Variants in MAGI2 observed in about 807,000 individuals in gnomAD.
The protein encoded by MAGI2 is membrane-associated guanylate kinase, WW and PDZ domain-containing protein 2.
In MAGI2, 35 loss-of-function variants were observed where a neutral mutation model predicts 133.3. The ratio of observed to expected loss-of-function variants is 0.26; its 90% CI spans 0.20 to 0.35. MAGI2 has a LOEUF of 0.35. MAGI2 is among the 10% of genes least tolerant of loss of function. The pLI is 1.00. For missense variants in MAGI2, 1,636 were observed against 1,863.4 expected (o/e 0.88, Z 2.25); for synonymous variants, 729 against 710.6 (o/e 1.03, Z -0.41).
chr7:78,177,418 G>GCACACA (rs3972360), intron 14 of MAGI2, among the ~76,000 whole-genome samples: 1 of 120,262 alleles, frequency 8.3e-6, no homozygotes, highest in African/African-American at 3.0e-5. Flanking sequence ...GTGAATACGC[G>GCACACA]CACACACACA....
chr7:79,328,969 A>G (rs574354674), intron 1 of MAGI2, among the ~76,000 whole-genome samples: 81 of 152,336 alleles, frequency 5.3e-4, no homozygotes, highest in Non-Finnish European at 1.0e-3. Context: ...AGAAATACAA[A>G]TGTGGGGGCC....
chr7:79,011,003 C>T (rs1808030829), intron 1 of MAGI2: 1 of 152,040 alleles, frequency 6.6e-6, no homozygotes, highest in Admixed American at 6.6e-5. Context: ...TTGAACTTAA[C>T]ATCAAAATAT....
At chr7:78,668,005 C>G (rs1224407697) in intron 2 of MAGI2, among the ~76,000 whole-genome samples, 2 of 152,082 alleles carry the variant, frequency 1.3e-5, no homozygotes, top group South Asian at 4.1e-4. Flanking sequence ...ACAGTCCCAC[C>G]AACAGTGTAA....
At chr7:79,424,994 T>C (rs1847239249) in intron 1 of MAGI2, among the ~76,000 whole-genome samples, 1 of 152,150 alleles carries the variant, frequency 6.6e-6, no homozygotes, top group Non-Finnish European at 1.5e-5. Flanking sequence ...GATGTAAACA[T>C]AAGTCTTGTG....
chr7:78,521,083 A>G (rs58289607), intron 4 of MAGI2, among the ~76,000 whole-genome samples: 8,283 of 152,252 alleles, frequency 0.054, 368 homozygotes, highest in African/African-American at 0.11. Context: ...ACAACCATAT[A>G]TAAGACTTGC....
At chr7:78,247,586 C>CA (rs1351822048) in intron 10 of MAGI2, among the ~76,000 whole-genome samples, 1 of 151,592 alleles carries the variant, frequency 6.6e-6, no homozygotes, top group East Asian at 1.9e-4. Context: ...AGAAATTTAA[C>CA]AAAGAGATGG....
intron 2 of MAGI2, among the ~76,000 whole-genome samples, chr7:78,767,439 A>T (rs1432268999): frequency 6.6e-6 from 1 of 152,208 alleles, no homozygotes; most frequent in African/African-American, 2.4e-5. Flanking sequence ...GACTAAGAGC[A>T]AAAGCTGATT....
At chr7:78,789,570 T>A (rs938507486) in intron 2 of MAGI2, among the ~76,000 whole-genome samples, 6 of 152,212 alleles carry the variant, frequency 3.9e-5, no homozygotes, top group Non-Finnish European at 7.3e-5. Context: ...TATTTGTAAG[T>A]TTGATGGATA....
chr7:78,239,039 T>C (rs1790856846), intron 10 of MAGI2, among the ~76,000 whole-genome samples: 1 of 136,796 alleles, frequency 7.3e-6, no homozygotes, highest in Non-Finnish European at 1.7e-5. Context: ...CATGGGCAAT[T>C]CTATCCTGGA....
chr7:78,381,630 A>T (rs1470604506), intron 6 of MAGI2, among the ~76,000 whole-genome samples: 1 of 152,194 alleles, frequency 6.6e-6, no homozygotes, highest in African/African-American at 2.4e-5. Context: ...CACCTAATAG[A>T]GGAATATGCA....
At chr7:78,879,658 T>G (rs533424584) in intron 2 of MAGI2, among the ~76,000 whole-genome samples, 2 of 152,198 alleles carry the variant, frequency 1.3e-5, no homozygotes, top group African/African-American at 4.8e-5. Context: ...AGCACAAGAA[T>G]TCTGTTACCA....
intron 3 of MAGI2, among the ~76,000 whole-genome samples, chr7:78,623,702 G>T (rs1004584691): frequency 6.6e-6 from 1 of 152,118 alleles, no homozygotes; most frequent in Admixed American, 6.6e-5. Flanking sequence ...TAATGGAAGA[G>T]ATTTTAATAC....
chr7:79,327,501 A>T (rs1208109207), intron 1 of MAGI2, among the ~76,000 whole-genome samples: 1 of 152,110 alleles, frequency 6.6e-6, no homozygotes, highest in Non-Finnish European at 1.5e-5. Flanking sequence ...ACAAGGTCTA[A>T]CCTGTTTAGG....
At chr7:79,277,515 C>T (rs543151791) in intron 1 of MAGI2, among the ~76,000 whole-genome samples, 34 of 152,062 alleles carry the variant, frequency 2.2e-4, no homozygotes, top group African/African-American at 6.8e-4. Context: ...ATTTATTCAA[C>T]ATATGTGCTG....
chr7:78,706,642 A>G (rs1818677118), intron 2 of MAGI2, among the ~76,000 whole-genome samples: 1 of 152,104 alleles, frequency 6.6e-6, no homozygotes, highest in Non-Finnish European at 1.5e-5. Context: ...TGAACACAAA[A>G]CAATTAGCCA....
rs142160490 is a variant in MAGI2 at position 78,791,811 on chromosome 7, A to G, written c.419-164572T>C. ...GTGATCCACCAGTGTCAGGCTCCCA[A>G]AATGCTGGGATTACAGACATGAGCC... On this transcript the variant is annotated intron_variant, in intron 2 of 21. Coordinates refer to ENST00000354212, the MANE Select transcript of MAGI2 (RefSeq NM_012301.4). Among the ~76,000 whole-genome samples, 1,479 of 152,192 alleles carry G rather than the reference A, an allele frequency of 9.7e-3. 12 individuals are homozygous for G. Among genetic ancestry groups the G allele is most frequent in the Non-Finnish European group, 0.015 (1,009 of 68,000 alleles).
At chr7:78,557,097 A>AAAAAAAAAAAAAAAGAAAG (rs1554473311) in intron 3 of MAGI2, among the ~76,000 whole-genome samples, 3 of 138,946 alleles carry the variant, frequency 2.2e-5, no homozygotes, top group Admixed American at 7.4e-5. Flanking sequence ...AAAAAAAAAA[A>AAAAAAAAAAAAAAAGAAAG]AAAGAAAAAG....
intron 2 of MAGI2, among the ~76,000 whole-genome samples, chr7:78,716,038 G>A (rs1333846059): frequency 3.9e-5 from 6 of 152,100 alleles, no homozygotes; most frequent in African/African-American, 1.4e-4. Flanking sequence ...TGAGACTAGG[G>A]GCTTTGTGTA....
intron 2 of MAGI2, among the ~76,000 whole-genome samples, chr7:78,680,548 A>C (rs1815534578): frequency 6.6e-6 from 1 of 152,154 alleles, no homozygotes; most frequent in Admixed American, 6.6e-5. Context: ...ACTAGAAGGA[A>C]CCATTTAAGA....
Sources: allele counts gnomAD v4.1 joint callset (sites outside exome capture counted in the v4.1 genomes callset), GRCh38; gene constraint gnomAD v4.1.1; transcripts MANE v1.5; gene names NCBI Gene and HGNC (gene_info 2026-07-23, HGNC 2026-07-21).